ZMYM1: variants seen among roughly 807,000 people sequenced by gnomAD.
ZMYM1 encodes zinc finger MYM-type protein 1.
In ZMYM1, 39 loss-of-function variants were observed where a neutral mutation model predicts 60.0. The ratio of observed to expected loss-of-function variants is 0.65; its 90% CI spans 0.50 to 0.85. The LOEUF (loss-of-function observed/expected upper bound fraction) is 0.85. Among genes scored for constraint, ZMYM1 ranks in the 40% least tolerant of loss-of-function variants. The probability of loss-of-function intolerance (pLI) is 0.00; values close to 1 mark genes in which losing one functional copy is unlikely to be tolerated. For missense variants in ZMYM1, 1,171 were observed against 1,309.5 expected (o/e 0.89, Z 1.63); for synonymous variants, 413 against 454.0 (o/e 0.91, Z 1.15).
chr1:35,113,880 G>A lies in ZMYM1; in HGVS notation c.2050G>A (p.Asp684Asn), dbSNP rs760091179. ...TAAGGAAAGATTCTTGGGTTTTGTT[G>A]ATACTGAGGAGATGACTGGGACCCA... Reference protein sequence around the residue: ...LIKERFLGFVDTEEMTGTHLH... With the variant: ...LIKERFLGFVNTEEMTGTHLH... The change falls in exon 10 of 10, where the codon GAT becomes AAT. Residue 684 changes from aspartate to asparagine, a missense_variant. By Grantham distance (23) the Asp-to-Asn change is conservative (BLOSUM62 1). Coordinates refer to ENST00000359858, the MANE Select transcript of ZMYM1 (RefSeq NM_024772.5). 4 of 1,613,710 alleles carry A rather than the reference G, an allele frequency of 2.5e-6. No individual in the cohort carries two copies. The highest frequency in any genetic ancestry group is 3.4e-6 in the Non-Finnish European group (4 of 1,179,848).
At chr1:35,116,099 G>A (rs1644246375), downstream of ZMYM1, among the ~76,000 whole-genome samples, 1 of 151,910 alleles carries the variant, frequency 6.6e-6, no homozygotes, top group Non-Finnish European at 1.5e-5. Flanking sequence ...GTGAAGTGTG[G>A]TACTGCACAC....
intron 1 of ZMYM1, among the ~76,000 whole-genome samples, chr1:35,080,085 C>G (rs1038661215): frequency 8.7e-6 from 1 of 114,922 alleles, no homozygotes; most frequent in Non-Finnish European, 1.9e-5. Flanking sequence ...CACTCCAGAG[C>G]GAGACCCCGT....
rs201057096 is a variant in ZMYM1, at chr1:35,093,997, C to A, written c.10C>A (p.Pro4Thr). 23 of 1,594,778 alleles carry A rather than the reference C, an allele frequency of 1.4e-5. No homozygotes were observed. The highest frequency in any genetic ancestry group is 1.9e-5 in the Non-Finnish European group (22 of 1,170,934). The change falls in exon 2 of 10, where the codon CCA (proline) becomes ACA (threonine). Residue 4 changes from proline to threonine, a missense_variant. Transcript: ENST00000359858. ...TGCATCAGATACTAAAATGAAAGAA[C>A]CACTTTTAGGTGGTGAGTGTGACAA... is the stretch of plus-strand genomic sequence containing the variant. Reference protein sequence around the residue: MKEPLLGGECDKAV... With the variant: MKETLLGGECDKAV...
chr1:35,106,780 T>C (rs567782259), intron 6 of ZMYM1, among the ~76,000 whole-genome samples: 2 of 152,066 alleles, frequency 1.3e-5, no homozygotes, highest in South Asian at 4.2e-4. Context: ...GGAAATAATA[T>C]TCCTTTTTTT....
chr1:35,105,120 T>C (rs1204506709), intron 6 of ZMYM1, among the ~76,000 whole-genome samples: 1 of 149,826 alleles, frequency 6.7e-6, no homozygotes, highest in Non-Finnish European at 1.5e-5. Flanking sequence ...TTTATTTTAT[T>C]TCTTTCTTTT....
intron 1 of ZMYM1, among the ~76,000 whole-genome samples, chr1:35,088,448 ATATATATGTG>A (rs779700973): frequency 0.014 from 1,611 of 113,568 alleles, 33 homozygotes; most frequent in East Asian, 0.11. Flanking sequence ...ATATATATAT[ATATATATGTG>A]TGTGTGTGTG....
chr1:35,105,733 G>A (rs1557695054), intron 6 of ZMYM1, among the ~76,000 whole-genome samples: 1 of 151,978 alleles, frequency 6.6e-6, no homozygotes. Context: ...AGCGTCCCGA[G>A]TAGCTGGAAC....
At chr1:35,104,255 G>A (rs1323600606) in intron 4 of ZMYM1, 40 bp from the exon 5 acceptor site, 1 of 1,475,158 alleles carries the variant, frequency 6.8e-7, no homozygotes, top group Non-Finnish European at 9.1e-7. Flanking sequence ...TTATAATTGT[G>A]TTTAAACTGT....
chr1:35,105,129 T>TC (rs1643853282), intron 6 of ZMYM1, among the ~76,000 whole-genome samples: 2 of 137,472 alleles, frequency 1.5e-5, no homozygotes, highest in African/African-American at 5.4e-5. Flanking sequence ...TTTCTTTCTT[T>TC]TTTTTTTTTT....
chr1:35,116,867 GGAGTCTCGCTCT>G (rs1644254708), downstream of ZMYM1, among the ~76,000 whole-genome samples: 1 of 86,768 alleles, frequency 1.2e-5, no homozygotes, highest in African/African-American at 4.3e-5. Context: ...TTTTTGAGAC[GGAGTCTCGCTCT>G]GTCGCCCAGG....
In ZMYM1 at chr1:35,066,668, G is replaced by A. The variant is rs1641978829; in HGVS notation, c.-301+6743G>A. 2.6e-5 allele frequency among the ~76,000 whole-genome samples: 4 copies of A among 152,150 alleles called. No individual in the cohort carries two copies. In the South Asian group the frequency reaches 8.3e-4, roughly 32 times the overall value. ...GGTGTTCGTGATTGAAAGACTTAAT[G>A]TAGTAAAGACACTGATTCTTCCCAA... On this transcript the variant is annotated intron_variant, in intron 1 of 10. Coordinates refer to the ZMYM1 transcript ENST00000417119.
chr1:35,062,082 G>A (rs968717701), intron 1 of ZMYM1, among the ~76,000 whole-genome samples: 10 of 152,100 alleles, frequency 6.6e-5, no homozygotes, highest in Admixed American at 3.3e-4. Flanking sequence ...TGCCCATCTC[G>A]GCCTCCCAAA....
chr1:35,086,002 G>A (rs949562647), intron 1 of ZMYM1, among the ~76,000 whole-genome samples: 4 of 152,148 alleles, frequency 2.6e-5, no homozygotes, highest in East Asian at 1.9e-4. Flanking sequence ...AGAAAAACAC[G>A]TGTAAAGCTG....
At chr1:35,100,186 C>T (rs950961543) in intron 4 of ZMYM1, among the ~76,000 whole-genome samples, 1 of 152,144 alleles carries the variant, frequency 6.6e-6, no homozygotes, top group African/African-American at 2.4e-5. Context: ...CCACCACGCC[C>T]TGCCTGATTT....
chr1:35,083,217 T>C (rs1014238542), intron 1 of ZMYM1, among the ~76,000 whole-genome samples: 3 of 151,982 alleles, frequency 2.0e-5, no homozygotes, highest in African/African-American at 7.3e-5. Flanking sequence ...AGTGGCTTGA[T>C]CACAGCTCAC....
At chr1:35,112,166 A>C (rs1644110280) in intron 9 of ZMYM1, 36 bp downstream of exon 9, 1 of 1,603,818 alleles carries the variant, frequency 6.2e-7, no homozygotes, top group East Asian at 2.2e-5. Context: ...GTCTTTTTTT[A>C]ATAAGCAGAT....
intron 1 of ZMYM1, among the ~76,000 whole-genome samples, chr1:35,068,230 C>A (rs1420136983): frequency 6.6e-6 from 1 of 151,706 alleles, no homozygotes; most frequent in East Asian, 2.0e-4. Context: ...AGCAGCCTGG[C>A]AAACATGGCA....
intron 1 of ZMYM1, among the ~76,000 whole-genome samples, 165 bp downstream of exon 1, chr1:35,079,607 G>C (rs970683745): frequency 4.6e-5 from 7 of 152,162 alleles, no homozygotes; most frequent in African/African-American, 1.2e-4. Flanking sequence ...GGAACTCCGG[G>C]CCAGGCCCTG....
chr1:35,103,999 A>AT (rs763392427), intron 4 of ZMYM1, among the ~76,000 whole-genome samples: 95 of 152,068 alleles, frequency 6.2e-4, no homozygotes, highest in Non-Finnish European at 1.1e-3. Context: ...TATGTGGGAG[A>AT]TTGAGGTGGG....
Sources: allele counts gnomAD v4.1 joint callset (sites outside exome capture counted in the v4.1 genomes callset), GRCh38; gene constraint gnomAD v4.1.1; transcripts MANE v1.5; gene names NCBI Gene and HGNC (gene_info 2026-07-23, HGNC 2026-07-21).